MAST4: variants seen among roughly 807,000 people sequenced by gnomAD.
MAST4 encodes microtubule associated serine/threonine kinase family member 4.
A neutral mutation model predicts 162.7 loss-of-function variants in MAST4; 89 were observed. That is an observed-to-expected ratio of 0.55 (90% confidence interval 0.46 to 0.65). The LOEUF is 0.65. Among genes scored for constraint, MAST4 ranks in the 30% least tolerant of loss-of-function variants. The pLI is 0.00. For synonymous variants in MAST4, 1,479 were observed against 1,361.1 expected, an observed-to-expected ratio of 1.09 and a Z score of -1.91; for missense variants, 3,153 against 3,374.0, an observed-to-expected ratio of 0.93 and a Z score of 1.62.
At chr5:66,647,440 TG>T (rs1745916255) in intron 1 of MAST4, among the ~76,000 whole-genome samples, 1 of 152,026 alleles carries the variant, frequency 6.6e-6, no homozygotes, top group Admixed American at 6.6e-5. Context: ...CAAGTGACAG[TG>T]GGTATTGAAT....
intron 14 of MAST4, among the ~76,000 whole-genome samples, chr5:67,127,202 T>C (rs181498309): frequency 7.1e-4 from 108 of 152,318 alleles, no homozygotes; most frequent in African/African-American, 2.5e-3. Flanking sequence ...GACTTCCTCT[T>C]TTCCTAATTG....
chr5:66,945,966 TTGTG>T (rs1281693496), intron 4 of MAST4, among the ~76,000 whole-genome samples: 1 of 152,148 alleles, frequency 6.6e-6, no homozygotes, highest in African/African-American at 2.4e-5. Flanking sequence ...AAACAGATAT[TTGTG>T]TGTTAGGTAG....
intron 1 of MAST4, among the ~76,000 whole-genome samples, chr5:66,624,222 G>A (rs1375824500): frequency 2.4e-5 from 3 of 127,652 alleles, no homozygotes; most frequent in African/African-American, 9.1e-5. Context: ...GCATGATCTC[G>A]GCTCACTGCA....
Position 67,102,575 on chromosome 5 carries a change from T to C in MAST4, c.1110T>C (p.Ile370=), listed in dbSNP as rs1344103569. The change falls in exon 9 of 29, where the codon ATT becomes ATC. Residue 370 remains isoleucine (I), a synonymous_variant. Transcript: ENST00000403625. ...RSPACCDHEI[I]MMNHVYKERF... ...CCGCCTGCTGTGACCATGAAATAAT[T>C]ATGATGAACCATGTCTACAAAGAAA... The C allele has an allele frequency of 2.5e-6, 4 of 1,613,844 alleles. No individual in the cohort carries two copies. The African/African-American group carries it at 4.0e-5, about 16-fold the overall frequency.
chr5:67,127,059 T>G (rs992746145), intron 14 of MAST4, among the ~76,000 whole-genome samples: 3 of 151,826 alleles, frequency 2.0e-5, no homozygotes, highest in African/African-American at 7.2e-5. Context: ...ATTACTGGTG[T>G]ATAGGATTTT....
chr5:66,934,442 A>G (rs868137163), intron 4 of MAST4, among the ~76,000 whole-genome samples: 2 of 152,170 alleles, frequency 1.3e-5, no homozygotes, highest in South Asian at 2.1e-4. Flanking sequence ...TTATTAGCAC[A>G]TATGAAACAT....
At chr5:66,932,203 C>T (rs1317243518) in intron 4 of MAST4, among the ~76,000 whole-genome samples, 2 of 152,124 alleles carry the variant, frequency 1.3e-5, no homozygotes, top group Admixed American at 6.5e-5. Flanking sequence ...AGAAACATGC[C>T]AAAACCTTAT....
chr5:66,987,629 C>T (rs1749664611), intron 4 of MAST4, among the ~76,000 whole-genome samples: 1 of 151,924 alleles, frequency 6.6e-6, no homozygotes, highest in African/African-American at 2.4e-5. Context: ...TTTTCTTTCT[C>T]TTTATTTTGT....
At chr5:66,730,118 T>C (rs901066724) in intron 1 of MAST4, among the ~76,000 whole-genome samples, 26 of 152,330 alleles carry the variant, frequency 1.7e-4, no homozygotes, top group African/African-American at 6.3e-4. Context: ...TACATGGGCT[T>C]GAATAAATAA....
chr5:66,823,572 G>A (rs1350827755), intron 3 of MAST4, among the ~76,000 whole-genome samples: 1 of 152,084 alleles, frequency 6.6e-6, no homozygotes, highest in Non-Finnish European at 1.5e-5. Context: ...CCACCTCCTG[G>A]GTTCAAGAGA....
intron 1 of MAST4, among the ~76,000 whole-genome samples, chr5:66,730,876 T>C (rs1037551548): frequency 1.3e-5 from 2 of 151,430 alleles, no homozygotes; most frequent in African/African-American, 2.4e-5. Flanking sequence ...CCAAAAAAAA[T>C]AGGGAAAAGA....
chr5:66,626,902 A>G (rs1194339761), intron 1 of MAST4, among the ~76,000 whole-genome samples: 1 of 152,092 alleles, frequency 6.6e-6, no homozygotes, highest in Non-Finnish European at 1.5e-5. Flanking sequence ...TGTGGGACCA[A>G]TGGGATCATT....
chr5:66,910,907 T>C (rs71626468), intron 4 of MAST4, among the ~76,000 whole-genome samples: 4,951 of 151,878 alleles, frequency 0.033, 148 homozygotes, highest in African/African-American at 0.076. Context: ...GCCACCATGC[T>C]CAGCTAATGT....
chr5:66,748,787 T>C (rs1344599928), intron 1 of MAST4, among the ~76,000 whole-genome samples: 1 of 151,936 alleles, frequency 6.6e-6, no homozygotes, highest in African/African-American at 2.4e-5. Context: ...CATGCCTGGC[T>C]GGGACCATTT....
At chr5:66,944,539 A>G (rs1743756200) in intron 4 of MAST4, among the ~76,000 whole-genome samples, 2 of 152,108 alleles carry the variant, frequency 1.3e-5, no homozygotes, top group South Asian at 4.1e-4. Context: ...GGCATAATAA[A>G]TCTCAAATCT....
chr5:66,853,687 CA>C (rs1431125171), intron 3 of MAST4, among the ~76,000 whole-genome samples: 3 of 152,140 alleles, frequency 2.0e-5, no homozygotes, highest in Non-Finnish European at 4.4e-5. Context: ...TAAAGTTTTT[CA>C]ATTCACTGCT....
At chr5:66,683,223 A>G (rs952804614) in intron 1 of MAST4, among the ~76,000 whole-genome samples, 8 of 152,186 alleles carry the variant, frequency 5.3e-5, no homozygotes, top group South Asian at 2.1e-4. Context: ...TAAACTTCCA[A>G]TTCTAAATAT....
At chr5:66,715,732 GA>G (rs34012737) in intron 1 of MAST4, among the ~76,000 whole-genome samples, 2,709 of 125,330 alleles carry the variant, frequency 0.022, 28 homozygotes, top group Admixed American at 0.042. Context: ...GCCATGACAG[GA>G]AAAAAAAAAA....
In MAST4 at chr5:66,868,472, C is replaced by G. The variant is rs927724708; in HGVS notation, c.643-31479C>G. 1.2e-4 allele frequency among the ~76,000 whole-genome samples: 17 copies of G among 144,626 alleles called. No homozygotes were observed. In the Admixed American group the frequency reaches 1.2e-3, roughly 10 times the overall value. 94.9% of individuals were successfully genotyped at this position (144,626 alleles called of 152,430 possible). A position where few individuals can be genotyped will look rare whatever the true frequency, so the allele number is the denominator to read the frequency against. ...GTATATACGTATATGTATATATATA[C>G]GCAAATAACCATCACAAACTTTTTT... is the stretch of plus-strand genomic sequence containing the variant. On this transcript the variant is annotated intron_variant, in intron 3 of 28. Transcript: ENST00000403625.
Sources: allele counts gnomAD v4.1 joint callset (sites outside exome capture counted in the v4.1 genomes callset), GRCh38; gene constraint gnomAD v4.1.1; transcripts MANE v1.5; gene names NCBI Gene and HGNC (gene_info 2026-07-23, HGNC 2026-07-21).